ALDH1A2: variants seen among roughly 807,000 people sequenced by gnomAD.
ALDH1A2 encodes aldehyde dehydrogenase 1 family member A2.
In ALDH1A2, 27 loss-of-function variants were observed where a neutral mutation model predicts 60.3. The observed-to-expected ratio is 0.45, with a 90% CI of 0.33 to 0.62. The LOEUF (loss-of-function observed/expected upper bound fraction) is 0.62. Ranked by LOEUF, ALDH1A2 falls within the 20% of genes least tolerant of loss-of-function variation. The pLI, the probability that ALDH1A2 is intolerant of heterozygous loss-of-function variation, is 0.02. For missense variants in ALDH1A2, 581 were observed against 643.8 expected, an observed-to-expected ratio of 0.90 and a Z score of 1.06; for synonymous variants, 289 against 232.4, an observed-to-expected ratio of 1.24 and a Z score of -2.21.
intron 7 of ALDH1A2, among the ~76,000 whole-genome samples, chr15:57,968,474 C>T (rs760124708): frequency 2.0e-5 from 3 of 152,220 alleles, no homozygotes; most frequent in Admixed American, 6.5e-5. Context: ...TTCCTCCCAG[C>T]ATTCTGTCAT....
intron 7 of ALDH1A2, chr15:57,980,352 C>T (rs1251203676): frequency 7.4e-6 from 3 of 404,058 alleles, no homozygotes; most frequent in Non-Finnish European, 1.0e-5. Flanking sequence ...GGGTTCATGT[C>T]ATAGCTGACT....
At chr15:57,984,776 AGTT>A (rs1894640873) in intron 7 of ALDH1A2, among the ~76,000 whole-genome samples, 1 of 152,138 alleles carries the variant, frequency 6.6e-6, no homozygotes, top group Non-Finnish European at 1.5e-5. Flanking sequence ...TGGACATTTG[AGTT>A]GTTTCCACTT....
At chr15:57,976,836 C>G (rs752981626) in intron 7 of ALDH1A2, among the ~76,000 whole-genome samples, 33 of 152,092 alleles carry the variant, frequency 2.2e-4, no homozygotes, top group Non-Finnish European at 4.3e-4. Context: ...TGAGGAATTG[C>G]CACCATCTTC....
chr15:57,988,543 A>AAAT (rs1235308563), intron 7 of ALDH1A2, among the ~76,000 whole-genome samples: 2 of 152,186 alleles, frequency 1.3e-5, no homozygotes, highest in Non-Finnish European at 2.9e-5. Flanking sequence ...GAATAGGCAA[A>AAAT]AATAATTAAA....
At chr15:57,993,231 T>C (rs764543073) in intron 5 of ALDH1A2, among the ~76,000 whole-genome samples, 158 bp from the exon 6 acceptor site, 7 of 152,236 alleles carry the variant, frequency 4.6e-5, no homozygotes, top group African/African-American at 1.2e-4. Flanking sequence ...TCATTAAGAA[T>C]AGAATAGCAC....
chr15:57,979,504 T>G (rs1964429), intron 7 of ALDH1A2, among the ~76,000 whole-genome samples: 130,278 of 152,038 alleles, frequency 0.86, 57,824 homozygotes, highest in East Asian at 1. Flanking sequence ...GGATATGGCC[T>G]TGACCCCTTC....
intron 1 of ALDH1A2, chr15:58,065,239 C>A (rs1897146638): frequency 2.4e-6 from 1 of 422,090 alleles, no homozygotes. Flanking sequence ...CAGTCGGGAC[C>A]GGGAGAATCG....
intron 1 of ALDH1A2, among the ~76,000 whole-genome samples, chr15:58,049,912 T>C (rs1896733578): frequency 6.6e-6 from 1 of 152,110 alleles, no homozygotes; most frequent in South Asian, 2.1e-4. Flanking sequence ...CTATCTTCCC[T>C]AGGTTCAATT....
intron 12 of ALDH1A2, among the ~76,000 whole-genome samples, chr15:57,958,214 GCACACA>G (rs113322985): frequency 3.2e-4 from 48 of 151,818 alleles, no homozygotes; most frequent in African/African-American, 1.1e-3. Flanking sequence ...GTACACGCAC[GCACACA>G]CACACATAAA....
intron 7 of ALDH1A2, among the ~76,000 whole-genome samples, chr15:57,977,343 C>G (rs1187281591): frequency 1.3e-5 from 2 of 152,082 alleles, no homozygotes; most frequent in Non-Finnish European, 2.9e-5. Flanking sequence ...ATGGTATTGC[C>G]TAGGTTTTTG....
At chr15:57,963,142 G>C (rs964838345) in intron 9 of ALDH1A2, among the ~76,000 whole-genome samples, 1 of 152,158 alleles carries the variant, frequency 6.6e-6, no homozygotes, top group Non-Finnish European at 1.5e-5. Context: ...CTGCTGGAGA[G>C]ACTCCTTGGC....
rs547350987 is a variant in ALDH1A2 at position 57,986,141 on chromosome 15, A to G, written c.798+6564T>C. 5.3e-5 allele frequency among the ~76,000 whole-genome samples: 8 copies of G among 152,370 alleles called. No homozygotes were observed. In the East Asian group the frequency reaches 1.3e-3, roughly 26 times the overall value. Reference sequence around the variant, plus strand: ...TAACCGACACTGGACTTGTTTTACCATTATAAACAACTAGAAAAGTATATG... The same window carrying G: ...TAACCGACACTGGACTTGTTTTACCGTTATAAACAACTAGAAAAGTATATG... On this transcript the variant is annotated intron_variant, in intron 7 of 12. Coordinates refer to ENST00000249750, the MANE Select transcript of ALDH1A2 (RefSeq NM_003888.4).
In ALDH1A2 at chr15:57,993,090, CA is replaced by C; in HGVS notation, c.556-18del. ...GAAGTTCCACTGAAAGGAAAAAACTCAAAGTTGATAGATGGAAAAACATTCT... is the reference window on the plus strand; with the variant it reads ...GAAGTTCCACTGAAAGGAAAAAACTCAAGTTGATAGATGGAAAAACATTCT... On this transcript the variant is annotated intron_variant, in intron 5 of 12. Transcript: ENST00000249750. The C allele has an allele frequency of 6.2e-7, 1 of 1,610,962 alleles. No homozygotes were observed. Among genetic ancestry groups the C allele is most frequent in the South Asian group, 1.1e-5 (1 of 90,954 alleles).
rs78842519 is a variant in ALDH1A2, at chr15:58,037,475, C to T, written c.118-23194G>A. Among the ~76,000 whole-genome samples the T allele has an allele frequency of 1.9e-3, 294 of 151,706 alleles. 1 individual carries two copies. The highest frequency in any genetic ancestry group is 6.9e-3 in the African/African-American group (287 of 41,460). On this transcript the variant is annotated intron_variant, in intron 1 of 12. Coordinates refer to ENST00000249750, the MANE Select transcript of ALDH1A2 (RefSeq NM_003888.4). ...AACTTCAAAATTTAGGCATTCAATA[C>T]TTAAACTATTCAATGTTGAATAACT... is the stretch of plus-strand genomic sequence containing the variant.
intron 12 of ALDH1A2, among the ~76,000 whole-genome samples, chr15:57,956,998 G>A (rs1412823261): frequency 1.3e-5 from 2 of 152,328 alleles, no homozygotes; most frequent in South Asian, 2.1e-4. Context: ...GAGCAGAGCT[G>A]CTCCTCTCTG....
intron 4 of ALDH1A2, among the ~76,000 whole-genome samples, chr15:58,008,139 C>A (rs1189221247): frequency 6.6e-6 from 1 of 152,082 alleles, no homozygotes; most frequent in African/African-American, 2.4e-5. Context: ...GGAGAGAGCT[C>A]TTATGACCCA....
In ALDH1A2 at chr15:57,955,139, A is replaced by C; in HGVS notation, c.*58T>G. ...TGTATTCCTGAGAGCTGGGCCCTAC[A>C]GAGAAAGCAGAGAGGGACAGACGTG... On this transcript the variant is annotated 3_prime_UTR_variant, in exon 13 of 13. Transcript: ENST00000249750. 6.5e-7 allele frequency: 1 copy of C among 1,535,214 alleles called. No homozygotes were observed. Among genetic ancestry groups the C allele is most frequent in the Non-Finnish European group, 9.0e-7 (1 of 1,108,066 alleles).
intron 4 of ALDH1A2, 94 bp downstream of exon 4, chr15:58,010,555 T>C (rs1489044466): frequency 6.5e-7 from 1 of 1,529,758 alleles, no homozygotes; most frequent in African/African-American, 1.4e-5. Context: ...TGCTCATATC[T>C]GTATTCTGTG....
chr15:57,959,427 T>C (rs531594733), intron 12 of ALDH1A2, among the ~76,000 whole-genome samples: 29 of 152,328 alleles, frequency 1.9e-4, no homozygotes, highest in African/African-American at 6.5e-4. Context: ...AGATTGGTTA[T>C]AGGTTCTGGC....
Sources: allele counts gnomAD v4.1 joint callset (sites outside exome capture counted in the v4.1 genomes callset), GRCh38; gene constraint gnomAD v4.1.1; transcripts MANE v1.5; gene names NCBI Gene and HGNC (gene_info 2026-07-23, HGNC 2026-07-21).